The following GDPD5 variants were observed in gnomAD, a reference collection of about 807,000 sequenced individuals.
GDPD5 encodes the protein glycerophosphodiester phosphodiesterase domain containing 5, also known as glycerophosphodiester phosphodiesterase 2.
Under a neutral mutation model 75.1 loss-of-function variants are expected in GDPD5, and 48 were observed. That is an observed-to-expected ratio of 0.64 (90% CI 0.51 to 0.81). The LOEUF is 0.81. GDPD5 is among the 40% of genes least tolerant of loss of function. GDPD5 has a pLI of 0.00. For synonymous variants in GDPD5, 336 were observed against 339.0 expected (o/e 0.99, Z 0.10); for missense variants, 706 against 822.6 (o/e 0.86, Z 1.73).
intron 16 of GDPD5, 23 bp downstream of exon 16, chr11:75,436,913 C>T: frequency 6.3e-7 from 1 of 1,587,090 alleles, no homozygotes. Context: ...GGCCTGCCTC[C>T]ACCTGTCTGC....
At chr11:75,499,565 T>C (rs1024190875) in intron 1 of GDPD5, among the ~76,000 whole-genome samples, 2 of 152,082 alleles carry the variant, frequency 1.3e-5, no homozygotes, top group Non-Finnish European at 2.9e-5. Flanking sequence ...AGACTTCAAA[T>C]CATCTTCATG....
chr11:75,486,642 C>A (rs1477540603), intron 2 of GDPD5, among the ~76,000 whole-genome samples: 1 of 152,160 alleles, frequency 6.6e-6, no homozygotes, highest in Non-Finnish European at 1.5e-5. Flanking sequence ...GCCTATGAAA[C>A]CACCTTAGCC....
intron 1 of GDPD5, among the ~76,000 whole-genome samples, chr11:75,494,437 G>A (rs193237121): frequency 3.3e-4 from 50 of 151,754 alleles, no homozygotes; most frequent in Non-Finnish European, 3.8e-4. Flanking sequence ...GGCTGGTCTC[G>A]AACTCCTGAC....
At chr11:75,448,153 C>T (rs1444086857) in intron 9 of GDPD5, among the ~76,000 whole-genome samples, 1 of 152,204 alleles carries the variant, frequency 6.6e-6, no homozygotes, top group African/African-American at 2.4e-5. Context: ...TGCTCACACA[C>T]ACCCCCACTT....
intron 6 of GDPD5, chr11:75,455,134 A>C: frequency 2.9e-6 from 1 of 350,510 alleles, no homozygotes; most frequent in Non-Finnish European, 5.7e-6. Context: ...CCTTGCATTG[A>C]TCTGCCAGCT....
chr11:75,455,169 G>C (rs1949258262), intron 6 of GDPD5: 4 of 391,600 alleles, frequency 1.0e-5, no homozygotes, highest in South Asian at 1.9e-5. Context: ...GGCTCTATAG[G>C]CCTCTCCACT....
chr11:75,496,809 C>T (rs1240123637), intron 1 of GDPD5, among the ~76,000 whole-genome samples: 4 of 106,560 alleles, frequency 3.8e-5, no homozygotes, highest in Non-Finnish European at 5.3e-5. Flanking sequence ...GTGACGGAGT[C>T]TCGCTCTGTT....
At chr11:75,475,823 A>G (rs1191376310) in intron 3 of GDPD5, among the ~76,000 whole-genome samples, 1 of 152,124 alleles carries the variant, frequency 6.6e-6, no homozygotes, top group Non-Finnish European at 1.5e-5. Context: ...CCTTGGCCCC[A>G]GACCCCTGCC....
At chr11:75,457,286 C>G (rs1045402370) in intron 5 of GDPD5, among the ~76,000 whole-genome samples, 2 of 152,198 alleles carry the variant, frequency 1.3e-5, no homozygotes, top group African/African-American at 2.4e-5. Flanking sequence ...TCGGCCAGGA[C>G]AGCTCTCACT....
intron 3 of GDPD5, among the ~76,000 whole-genome samples, chr11:75,468,891 G>A (rs1949590984): frequency 6.6e-6 from 1 of 152,208 alleles, no homozygotes; most frequent in African/African-American, 2.4e-5. Context: ...CAGGACCTCT[G>A]ACCTCAGCTT....
chr11:75,451,701 T>C (rs1949159532), intron 6 of GDPD5: 1 of 152,344 alleles, frequency 6.6e-6, no homozygotes, highest in African/African-American at 2.4e-5. Context: ...GAGTTAAGGA[T>C]GGTTTCCAGG....
chr11:75,462,820 A>G lies in GDPD5; in HGVS notation c.187T>C (p.Trp63Arg), dbSNP rs988972285. 1 of 1,613,174 alleles carries G rather than the reference A, an allele frequency of 6.2e-7. No individual in the cohort carries two copies. The highest frequency in any genetic ancestry group is 8.5e-7 in the Non-Finnish European group (1 of 1,179,634). The change falls in exon 4 of 17, where the codon TGG becomes CGG. Residue 63 changes from tryptophan (W) to arginine (R), a missense_variant. Trp to Arg is a moderately radical substitution (Grantham distance 101). Transcript: ENST00000336898. ...TCATCATAGTCATTGTGGACTTCCC[A>G]CCAGAAGTAAAGCCAGGTGAGCGTG... The part of the protein sequence containing the change: ...GLTLTWLYFW[W>R]EVHNDYDEFN...
intron 6 of GDPD5, 80 bp downstream of exon 6, chr11:75,456,677 T>C (rs969875302): frequency 1.5e-6 from 2 of 1,347,980 alleles, no homozygotes; most frequent in Middle Eastern, 3.6e-4. Flanking sequence ...GGGAGGGACA[T>C]GGTGGCCAGG....
rs907467484 is a variant in GDPD5, at chr11:75,490,239, G to T, written c.-63C>A. 6.6e-6 allele frequency: 1 copy of T among 152,242 alleles called. No homozygotes were observed. The highest frequency in any genetic ancestry group is 2.4e-5 in the African/African-American group (1 of 41,416). 9.4% of individuals were successfully genotyped at this position (152,242 alleles called of 1,614,324 possible). On this transcript the variant is annotated splice_region_variant and 5_prime_UTR_variant, in exon 2 of 17. Transcript: ENST00000336898. ...TTCCTCCCTCCTTTTCTCTTTACCT[G>T]GAAGAAGGTACCGGTGGCTGTGAGC...
chr11:75,472,410 T>C (rs1342561474), intron 3 of GDPD5, among the ~76,000 whole-genome samples: 2 of 152,136 alleles, frequency 1.3e-5, no homozygotes, highest in East Asian at 3.9e-4. Flanking sequence ...CAAATCCACA[T>C]GGCTGACAGG....
At chr11:75,460,872 C>T (rs1378056073) in intron 4 of GDPD5, among the ~76,000 whole-genome samples, 1 of 152,032 alleles carries the variant, frequency 6.6e-6, no homozygotes, top group East Asian at 2.0e-4. Flanking sequence ...GCCAGGCAGG[C>T]CTCCCCTTGC....
At chr11:75,463,208 G>A (rs1431129381) in intron 3 of GDPD5, among the ~76,000 whole-genome samples, 3 of 152,184 alleles carry the variant, frequency 2.0e-5, no homozygotes, top group Admixed American at 6.5e-5. Flanking sequence ...CTCCCTTGGC[G>A]CTGGCACAGT....
chr11:75,486,892 C>G (rs1592127507), intron 2 of GDPD5, among the ~76,000 whole-genome samples: 1 of 152,292 alleles, frequency 6.6e-6, no homozygotes, highest in East Asian at 1.9e-4. Context: ...GGTAAGGAGA[C>G]AGCACAGCGG....
chr11:75,495,568 A>G (rs189136628), intron 1 of GDPD5, among the ~76,000 whole-genome samples: 464 of 152,326 alleles, frequency 3.0e-3, no homozygotes, highest in Middle Eastern at 0.01. Context: ...GACATTCTTG[A>G]TATTTTATCA....
Sources: gnomAD v4.1 joint callset for allele counts (sites outside exome capture counted in the v4.1 genomes callset) on GRCh38, gnomAD v4.1.1 for gene constraint, MANE v1.5 for transcripts, NCBI Gene and HGNC (gene_info 2026-07-23, HGNC 2026-07-21) for gene names.